RNF180: variants seen among roughly 807,000 people sequenced by gnomAD.
RNF180 encodes E3 ubiquitin-protein ligase RNF180.
RNF180 carries 38 observed loss-of-function variants against 59.2 expected under a neutral mutation model. That is an observed-to-expected ratio of 0.64 (90% confidence interval 0.50 to 0.84). RNF180 has a LOEUF of 0.84. RNF180 is among the 40% of genes least tolerant of loss of function. RNF180 has a pLI of 0.00. For missense variants in RNF180, 705 were observed against 700.9 expected (o/e 1.01, Z -0.07); for synonymous variants, 262 against 240.3 (o/e 1.09, Z -0.84).
intron 5 of RNF180, among the ~76,000 whole-genome samples, chr5:64,238,178 T>G (rs1179851059): frequency 6.6e-6 from 1 of 152,218 alleles, no homozygotes; most frequent in Non-Finnish European, 1.5e-5. Flanking sequence ...ATTTCCTTCT[T>G]TTTTTAAGGC....
intron 1 of RNF180, among the ~76,000 whole-genome samples, chr5:64,189,847 A>G (rs1751048608): frequency 2.0e-5 from 3 of 152,216 alleles, no homozygotes; most frequent in Admixed American, 6.5e-5. Context: ...ATTAAAGGAG[A>G]CAAGACAGGA....
At chr5:64,174,529 G>T (rs1423477506) in intron 1 of RNF180, among the ~76,000 whole-genome samples, 1 of 151,896 alleles carries the variant, frequency 6.6e-6, no homozygotes, top group Non-Finnish European at 1.5e-5. Context: ...GTCTCATTGT[G>T]ATTTTAATTT....
Position 64,196,666 on chromosome 5 carries a change from G to A in RNF180, c.1-4142G>A, listed in dbSNP as rs1323047745. ...GGCTAATATTTTATTTAGAATTTTAGCATCTATGTTTATAAATAGTTTGGT... is the reference window on the plus strand; with the variant it reads ...GGCTAATATTTTATTTAGAATTTTAACATCTATGTTTATAAATAGTTTGGT... On this transcript the variant is annotated intron_variant, in intron 1 of 7. Transcript: ENST00000389100. 4.0e-5 allele frequency among the ~76,000 whole-genome samples: 6 copies of A among 151,874 alleles called. No homozygotes were observed. The East Asian group carries it at 9.6e-4, about 24-fold the overall frequency.
intron 1 of RNF180, among the ~76,000 whole-genome samples, chr5:64,199,727 A>G (rs750395285): frequency 6.6e-6 from 1 of 152,240 alleles, no homozygotes; most frequent in Non-Finnish European, 1.5e-5. Context: ...GTAGCCTGAT[A>G]AATTAATGTT....
chr5:64,319,104 G>C (rs1053560381), intron 5 of RNF180, among the ~76,000 whole-genome samples: 1 of 151,450 alleles, frequency 6.6e-6, no homozygotes, highest in African/African-American at 2.4e-5. Context: ...GCATGTGCGT[G>C]TGTAGAGAAA....
chr5:64,370,105 T>C lies in RNF180; in HGVS notation c.*291T>C, dbSNP rs139221100. On this transcript the variant is annotated 3_prime_UTR_variant, in exon 8 of 8. Coordinates refer to ENST00000389100, the MANE Select transcript of RNF180 (RefSeq NM_001113561.2). ...TTTTATAATATCACTTTAATACTTA[T>C]TTTGATTGTAAAAAACTGAAGTTTT... 6.2e-4 allele frequency: 115 copies of C among 185,908 alleles called. No individual in the cohort carries two copies. The highest frequency in any genetic ancestry group is 2.6e-3 in the African/African-American group (110 of 43,096). 11.5% of individuals were successfully genotyped at this position (185,908 alleles called of 1,614,324 possible).
At chr5:64,211,151 A>G (rs1752292244) in intron 2 of RNF180, among the ~76,000 whole-genome samples, 1 of 152,252 alleles carries the variant, frequency 6.6e-6, no homozygotes, top group South Asian at 2.1e-4. Flanking sequence ...TTTCATTGGT[A>G]TGCAGGACCT....
At chr5:64,202,439 ACTG>A (rs1425558057) in intron 2 of RNF180, among the ~76,000 whole-genome samples, 1 of 152,146 alleles carries the variant, frequency 6.6e-6, no homozygotes, top group Non-Finnish European at 1.5e-5. Context: ...TATGAATAAA[ACTG>A]CTATCAAAAT....
chr5:64,355,826 G>T (rs1257179883), intron 7 of RNF180, among the ~76,000 whole-genome samples: 1 of 151,872 alleles, frequency 6.6e-6, no homozygotes, highest in Non-Finnish European at 1.5e-5. Flanking sequence ...ATAGTGCTAG[G>T]ATAGCTGATT....
At chr5:64,246,888 G>C (rs956819449) in intron 5 of RNF180, among the ~76,000 whole-genome samples, 1 of 152,158 alleles carries the variant, frequency 6.6e-6, no homozygotes, top group African/African-American at 2.4e-5. Context: ...GGAATCAGCA[G>C]CACATCAAAA....
chr5:64,184,026 C>T (rs1432105014), intron 1 of RNF180, among the ~76,000 whole-genome samples: 2 of 152,180 alleles, frequency 1.3e-5, no homozygotes, highest in African/African-American at 4.8e-5. Flanking sequence ...CTAATCCAAT[C>T]TGACTGGTAT....
At chr5:64,180,618 G>A in intron 1 of RNF180, among the ~76,000 whole-genome samples, 1 of 152,090 alleles carries the variant, frequency 6.6e-6, no homozygotes, top group East Asian at 1.9e-4. Context: ...ATGGTCTTAG[G>A]TTGAGAGGAA....
chr5:64,359,224 T>A (rs1325162002), intron 7 of RNF180, among the ~76,000 whole-genome samples: 1 of 150,652 alleles, frequency 6.6e-6, no homozygotes, highest in Non-Finnish European at 1.5e-5. Context: ...ACTTCCACAA[T>A]GGTTGAACTA....
At chr5:64,313,666 A>G (rs1243714583) in intron 5 of RNF180, among the ~76,000 whole-genome samples, 1 of 152,134 alleles carries the variant, frequency 6.6e-6, no homozygotes, top group African/African-American at 2.4e-5. Context: ...TTGGGTATAT[A>G]CTCAATAATG....
intron 5 of RNF180, among the ~76,000 whole-genome samples, chr5:64,276,209 C>T (rs1353876728): frequency 6.6e-6 from 1 of 151,986 alleles, no homozygotes; most frequent in Non-Finnish European, 1.5e-5. Context: ...AATTTAATTT[C>T]TTTGTTATCC....
chr5:64,191,306 A>T (rs557642467), intron 1 of RNF180, among the ~76,000 whole-genome samples: 22 of 152,194 alleles, frequency 1.4e-4, no homozygotes, highest in Non-Finnish European at 2.9e-4. Flanking sequence ...AATATTAACT[A>T]AAATTAATAA....
chr5:64,212,245 T>C (rs1752349769), intron 3 of RNF180, 85 bp downstream of exon 3: 1 of 795,796 alleles, frequency 1.3e-6, no homozygotes, highest in Non-Finnish European at 2.2e-6. Context: ...TTTTCTTAGA[T>C]GCATTCCTTG....
At chr5:64,287,394 C>T (rs1742343876) in intron 5 of RNF180, among the ~76,000 whole-genome samples, 1 of 152,112 alleles carries the variant, frequency 6.6e-6, no homozygotes, top group Non-Finnish European at 1.5e-5. Context: ...CCAATTAATT[C>T]TCAGAATGAG....
At chr5:64,242,323 G>A (rs1175321377) in intron 5 of RNF180, among the ~76,000 whole-genome samples, 2 of 152,192 alleles carry the variant, frequency 1.3e-5, no homozygotes, top group African/African-American at 4.8e-5. Flanking sequence ...ATCAGTGCAT[G>A]AGAACAGAGA....
Sources: allele counts gnomAD v4.1 joint callset (sites outside exome capture counted in the v4.1 genomes callset), GRCh38; gene constraint gnomAD v4.1.1; transcripts MANE v1.5; gene names NCBI Gene and HGNC (gene_info 2026-07-23, HGNC 2026-07-21).